The following NALF1 variants were observed in gnomAD, a reference collection of about 807,000 sequenced individuals.
NALF1 encodes family with sequence similarity 155 member A.
In NALF1, 3 loss-of-function variants were observed where a neutral mutation model predicts 48.4. That is an observed-to-expected ratio of 0.06 (90% CI 0.03 to 0.16). The LOEUF is 0.16. Among genes scored for constraint, NALF1 ranks in the 10% least tolerant of loss-of-function variants. The pLI is 1.00. For synonymous variants in NALF1, 262 were observed against 245.7 expected, an observed-to-expected ratio of 1.07 and a Z score of -0.62; for missense variants, 526 against 571.5, an observed-to-expected ratio of 0.92 and a Z score of 0.81.
At chr13:107,769,315 A>T (rs974205237) in intron 1 of NALF1, among the ~76,000 whole-genome samples, 10 of 149,100 alleles carry the variant, frequency 6.7e-5, no homozygotes, top group Non-Finnish European at 8.9e-5. Context: ...GATAGACTGG[A>T]TTAAGAAAAT....
At chr13:107,691,242 GCA>G (rs1881560703) in intron 1 of NALF1, among the ~76,000 whole-genome samples, 2 of 152,172 alleles carry the variant, frequency 1.3e-5, no homozygotes, top group South Asian at 4.1e-4. Flanking sequence ...GAGGAGAGCA[GCA>G]CAGATTCTCC....
At position 107,463,132 on chromosome 13, in the gene NALF1, A is replaced by G. The variant is rs1224740549; in HGVS notation, c.916-252377T>C. Among the ~76,000 whole-genome samples, 4 of 152,232 alleles carry G rather than the reference A, an allele frequency of 2.6e-5. No individual in the cohort carries two copies. In the East Asian group the frequency reaches 7.7e-4, roughly 29 times the overall value. Reference sequence around the variant, plus strand: ...ACAGTACTTTCATCTCTGCGTATCTACTAATACCAGATACAGTGCTTTGTG... The same window carrying G: ...ACAGTACTTTCATCTCTGCGTATCTGCTAATACCAGATACAGTGCTTTGTG... On this transcript the variant is annotated intron_variant, in intron 1 of 2. Transcript: ENST00000375915.
intron 1 of NALF1, among the ~76,000 whole-genome samples, chr13:107,365,925 G>C (rs1883144566): frequency 6.6e-6 from 1 of 152,184 alleles, no homozygotes; most frequent in Non-Finnish European, 1.5e-5. Flanking sequence ...GTTAGAATCC[G>C]ATGAAATCGG....
At chr13:107,450,074 G>A (rs1437553955) in intron 1 of NALF1, among the ~76,000 whole-genome samples, 3 of 152,108 alleles carry the variant, frequency 2.0e-5, no homozygotes, top group African/African-American at 7.2e-5. Context: ...ATAAATCATG[G>A]CAGGCCTTCT....
chr13:107,419,477 C>G (rs1021514865), intron 1 of NALF1, among the ~76,000 whole-genome samples: 5 of 152,082 alleles, frequency 3.3e-5, no homozygotes, highest in Non-Finnish European at 5.9e-5. Flanking sequence ...ATAAAAATAA[C>G]ATTGACTCTT....
At chr13:107,409,801 G>T (rs549091202) in intron 1 of NALF1, among the ~76,000 whole-genome samples, 1 of 152,110 alleles carries the variant, frequency 6.6e-6, no homozygotes, top group East Asian at 1.9e-4. Context: ...TGATAATCTC[G>T]ATTAGTCTGA....
intron 1 of NALF1, among the ~76,000 whole-genome samples, chr13:107,831,401 T>C (rs1464044441): frequency 2.0e-5 from 3 of 152,146 alleles, no homozygotes; most frequent in Non-Finnish European, 4.4e-5. Context: ...AGAAATAATA[T>C]ATTAAAATAT....
chr13:107,256,390 A>G (rs368289866), intron 1 of NALF1, among the ~76,000 whole-genome samples: 4 of 152,204 alleles, frequency 2.6e-5, no homozygotes, highest in African/African-American at 9.6e-5. Context: ...TGGCAAAAAA[A>G]TATAGATCAG....
chr13:107,543,891 G>C (rs1407660989), intron 1 of NALF1, among the ~76,000 whole-genome samples: 2 of 151,930 alleles, frequency 1.3e-5, no homozygotes, highest in Non-Finnish European at 2.9e-5. Flanking sequence ...GAGAAAACTA[G>C]AAATGAAATG....
chr13:107,453,642 A>G (rs77032491), intron 1 of NALF1, among the ~76,000 whole-genome samples: 6,003 of 152,284 alleles, frequency 0.039, 400 homozygotes, highest in African/African-American at 0.14. Context: ...TTGTCTTGAT[A>G]TTTAACATTT....
chr13:107,580,399 G>T (rs1878271248), intron 1 of NALF1, among the ~76,000 whole-genome samples: 1 of 152,024 alleles, frequency 6.6e-6, no homozygotes, highest in Non-Finnish European at 1.5e-5. Flanking sequence ...TGCCTGGAAA[G>T]CTCTGCCTGA....
At chr13:107,256,278 A>G (rs1043602597) in intron 1 of NALF1, among the ~76,000 whole-genome samples, 2 of 152,232 alleles carry the variant, frequency 1.3e-5, no homozygotes, top group African/African-American at 4.8e-5. Flanking sequence ...GAAGTACTAC[A>G]TAACAGCACG....
intron 1 of NALF1, among the ~76,000 whole-genome samples, chr13:107,469,979 A>G (rs1885073380): frequency 6.6e-6 from 1 of 151,832 alleles, no homozygotes; most frequent in African/African-American, 2.4e-5. Context: ...TCCTGACCTC[A>G]TGATCTGCCC....
intron 1 of NALF1, among the ~76,000 whole-genome samples, chr13:107,284,322 AT>A (rs113471337): frequency 0.31 from 46,621 of 151,960 alleles, 8,810 homozygotes; most frequent in South Asian, 0.53. Flanking sequence ...CACAAAGTAT[AT>A]GAGTAAGCAG....
intron 1 of NALF1, among the ~76,000 whole-genome samples, chr13:107,235,571 C>A (rs1399884794): frequency 6.6e-6 from 1 of 152,160 alleles, no homozygotes; most frequent in African/African-American, 2.4e-5. Context: ...AAAGTAAGTT[C>A]TATGCAAATA....
At chr13:107,567,492 T>C (rs1877850886) in intron 1 of NALF1, among the ~76,000 whole-genome samples, 1 of 152,214 alleles carries the variant, frequency 6.6e-6, no homozygotes, top group Non-Finnish European at 1.5e-5. Flanking sequence ...CACTTTGAAA[T>C]AAATACAGAT....
rs539889789 is a variant in NALF1, at chr13:107,614,077, G to A, written c.915+251605C>T. ...GTAATATTTCTTGTTTGTTCACTTT[G>A]CTCATTAGATTTGAGAGGAGGAGTT... On this transcript the variant is annotated intron_variant, in intron 1 of 2. Coordinates refer to ENST00000375915, the MANE Select transcript of NALF1 (RefSeq NM_001080396.3). Among the ~76,000 whole-genome samples the A allele has an allele frequency of 2.0e-5, 3 of 152,286 alleles. No individual in the cohort carries two copies. The South Asian group carries it at 6.2e-4, about 32-fold the overall frequency.
At chr13:107,246,078 A>T (rs1319460117) in intron 1 of NALF1, among the ~76,000 whole-genome samples, 1 of 152,174 alleles carries the variant, frequency 6.6e-6, no homozygotes, top group South Asian at 2.1e-4. Flanking sequence ...CTCATTCTGC[A>T]CAATGAGGTT....
At chr13:107,775,648 T>C (rs1877710878) in intron 1 of NALF1, among the ~76,000 whole-genome samples, 1 of 151,718 alleles carries the variant, frequency 6.6e-6, no homozygotes, top group Non-Finnish European at 1.5e-5. Flanking sequence ...TCCACAATGG[T>C]TGAACTAGTT....
Sources: allele counts gnomAD v4.1 joint callset (sites outside exome capture counted in the v4.1 genomes callset), GRCh38; gene constraint gnomAD v4.1.1; transcripts MANE v1.5; gene names NCBI Gene and HGNC (gene_info 2026-07-23, HGNC 2026-07-21).